C13orf42: variants seen among roughly 807,000 people sequenced by gnomAD.
The protein encoded by C13orf42 is chromosome 13 open reading frame 42, also known as uncharacterized protein C13orf42.
intron 1 of C13orf42, among the ~76,000 whole-genome samples, chr13:51,145,045 T>C (rs982996327): frequency 6.6e-6 from 1 of 152,246 alleles, no homozygotes; most frequent in African/African-American, 2.4e-5. Context: ...TCTTGCCTAA[T>C]GTTTTTTCCT....
At chr13:51,137,679 A>T (rs1032764325) in intron 1 of C13orf42, among the ~76,000 whole-genome samples, 1 of 151,654 alleles carries the variant, frequency 6.6e-6, no homozygotes, top group South Asian at 2.1e-4. Flanking sequence ...TCTTTCTTTC[A>T]TATTAGCATT....
intron 1 of C13orf42, among the ~76,000 whole-genome samples, chr13:51,140,364 C>A (rs1198317320): frequency 6.6e-6 from 1 of 152,192 alleles, no homozygotes; most frequent in African/African-American, 2.4e-5. Context: ...TCAGGACTTC[C>A]TGAGGCTGTG....
chr13:51,121,743 G>C (rs1953537312), intron 1 of C13orf42, among the ~76,000 whole-genome samples: 1 of 152,002 alleles, frequency 6.6e-6, no homozygotes, highest in Admixed American at 6.6e-5. Flanking sequence ...CACCATGTTG[G>C]CCAGGCTGGT....
chr13:51,143,319 C>T (rs77347920), intron 1 of C13orf42, among the ~76,000 whole-genome samples: 18,889 of 152,022 alleles, frequency 0.12, 1,286 homozygotes, highest in African/African-American at 0.16. Context: ...TTGTAAGGGC[C>T]CATTTTGAAA....
chr13:51,114,752 T>C (rs898927344), upstream of C13orf42, among the ~76,000 whole-genome samples: 1 of 152,200 alleles, frequency 6.6e-6, no homozygotes, highest in African/African-American at 2.4e-5. Context: ...GTATCTTGGC[T>C]ATTGTGAGTA....
At chr13:51,121,651 T>C (rs1250809962) in intron 1 of C13orf42, among the ~76,000 whole-genome samples, 1 of 151,596 alleles carries the variant, frequency 6.6e-6, no homozygotes, top group Non-Finnish European at 1.5e-5. Context: ...TTCTCCTGCC[T>C]CAGGCTCCCG....
At chr13:51,105,450 C>G (rs1400770152) in intron 1 of C13orf42, among the ~76,000 whole-genome samples, 1 of 152,182 alleles carries the variant, frequency 6.6e-6, no homozygotes, top group African/African-American at 2.4e-5. Context: ...TAAACTGTTA[C>G]TAAAATATTA....
upstream of C13orf42, among the ~76,000 whole-genome samples, chr13:51,115,435 T>A (rs1158805823): frequency 2.0e-5 from 3 of 152,178 alleles, no homozygotes; most frequent in African/African-American, 7.2e-5. Flanking sequence ...CTCCCTACAG[T>A]TGGGGACGTT....
intron 1 of C13orf42, among the ~76,000 whole-genome samples, chr13:51,132,030 A>G (rs983815753): frequency 2.6e-5 from 4 of 152,232 alleles, no homozygotes; most frequent in African/African-American, 9.6e-5. Flanking sequence ...ACCCCATATC[A>G]GCTTGGTTCC....
chr13:51,154,075 A>G (rs1379967452), intron 1 of C13orf42, among the ~76,000 whole-genome samples: 1 of 152,158 alleles, frequency 6.6e-6, no homozygotes, highest in Non-Finnish European at 1.5e-5. Flanking sequence ...ACGTCACACA[A>G]GTGAATCATA....
At chr13:51,111,629 G>T (rs1953435940), upstream of C13orf42, among the ~76,000 whole-genome samples, 1 of 152,196 alleles carries the variant, frequency 6.6e-6, no homozygotes, top group African/African-American at 2.4e-5. Flanking sequence ...CTCAGTTTGA[G>T]TTGATCTTGG....
intron 1 of C13orf42, among the ~76,000 whole-genome samples, chr13:51,132,659 A>G (rs1953626523): frequency 6.6e-6 from 1 of 152,074 alleles, no homozygotes; most frequent in African/African-American, 2.4e-5. Context: ...ATCCCTCTGC[A>G]ACCCTTAGGA....
intron 2 of C13orf42, among the ~76,000 whole-genome samples, chr13:51,086,317 C>CAAAAAAAAAAAAAAAAAAA (rs151139876): frequency 8.7e-6 from 1 of 114,350 alleles, no homozygotes; most frequent in Non-Finnish European, 1.8e-5. Flanking sequence ...AAAAAAAAAA[C>CAAAAAAAAAAAAAAAAAAA]AAAAAAAAAC....
intron 1 of C13orf42, among the ~76,000 whole-genome samples, chr13:51,091,843 G>T (rs1953182930): frequency 6.6e-6 from 1 of 152,094 alleles, no homozygotes; most frequent in South Asian, 2.1e-4. Flanking sequence ...ATGATGACAA[G>T]AACACAGGGG....
intron 1 of C13orf42, among the ~76,000 whole-genome samples, chr13:51,099,101 C>T (rs1343162563): frequency 6.6e-6 from 1 of 152,112 alleles, no homozygotes; most frequent in African/African-American, 2.4e-5. Flanking sequence ...TGGTTTTAAA[C>T]CTTAAAAGTT....
intron 1 of C13orf42, among the ~76,000 whole-genome samples, chr13:51,145,175 G>T (rs1953725279): frequency 6.6e-6 from 1 of 151,920 alleles, no homozygotes; most frequent in Non-Finnish European, 1.5e-5. Flanking sequence ...TGGAATCACT[G>T]AAAACTAAGC....
chr13:51,123,645 C>A (rs1953553808), intron 1 of C13orf42, among the ~76,000 whole-genome samples: 2 of 152,218 alleles, frequency 1.3e-5, no homozygotes, highest in Admixed American at 1.3e-4. Flanking sequence ...GGAATAAATT[C>A]TTCTACATAG....
intron 1 of C13orf42, among the ~76,000 whole-genome samples, chr13:51,171,816 G>A (rs1271765535): frequency 2.0e-5 from 3 of 151,810 alleles, no homozygotes; most frequent in Admixed American, 6.6e-5. Context: ...CCAGTTCATG[G>A]CTTGTTTGGC....
chr13:51,134,728 T>C (rs1303256440), intron 1 of C13orf42, among the ~76,000 whole-genome samples: 2 of 152,094 alleles, frequency 1.3e-5, no homozygotes, highest in African/African-American at 4.8e-5. Flanking sequence ...CTTAGGGTAT[T>C]TGCCTCCCTT....
Sources: allele counts gnomAD v4.1 joint callset (sites outside exome capture counted in the v4.1 genomes callset), GRCh38; gene constraint gnomAD v4.1.1; transcripts MANE v1.5; gene names NCBI Gene and HGNC (gene_info 2026-07-23, HGNC 2026-07-21).